The following ETFB variants were observed in gnomAD, a reference collection of about 807,000 sequenced individuals.
The protein encoded by ETFB is electron transfer flavoprotein subunit beta, also known as beta-ETF.
ETFB carries 20 observed loss-of-function variants against 25.6 expected under a neutral mutation model. The ratio of observed to expected loss-of-function variants is 0.78; its 90% CI spans 0.55 to 1.14. ETFB has a LOEUF of 1.14. Among genes scored for constraint, ETFB ranks in the 50% most tolerant of loss-of-function variants. The pLI is 0.00. For synonymous variants in ETFB, 142 were observed against 146.7 expected (o/e 0.97, Z 0.23); for missense variants, 286 against 342.6 (o/e 0.83, Z 1.30).
chr19:51,364,795 T>C (rs568208910), intron 1 of ETFB, among the ~76,000 whole-genome samples: 2 of 152,340 alleles, frequency 1.3e-5, no homozygotes, highest in African/African-American at 4.8e-5. Flanking sequence ...GAGCAGAGTC[T>C]AGAGCCAGAC....
chr19:51,359,704 A>G (rs1223135395), intron 1 of ETFB, among the ~76,000 whole-genome samples: 1 of 152,220 alleles, frequency 6.6e-6, no homozygotes, highest in East Asian at 1.9e-4. Flanking sequence ...TCAGGAAACA[A>G]TGGTAGGGCT....
At chr19:51,350,190 G>C in intron 4 of ETFB, 139 bp downstream of exon 4, 1 of 936,040 alleles carries the variant, frequency 1.1e-6, no homozygotes, top group African/African-American at 1.6e-5. Context: ...TCAAGGAGGG[G>C]AACAAGAAAG....
intron 1 of ETFB, among the ~76,000 whole-genome samples, chr19:51,362,211 A>G (rs1986251448): frequency 6.6e-6 from 1 of 150,498 alleles, no homozygotes; most frequent in African/African-American, 2.5e-5. Flanking sequence ...ACACGAATAC[A>G]CTCTGAGCAC....
chr19:51,361,435 C>T (rs558585269), intron 1 of ETFB, among the ~76,000 whole-genome samples: 150 of 152,198 alleles, frequency 9.9e-4, no homozygotes, highest in African/African-American at 3.5e-3. Context: ...ACAGAGAACT[C>T]GTCCCTGAGG....
intron 3 of ETFB, among the ~76,000 whole-genome samples, chr19:51,352,201 C>T (rs1012728892): frequency 3.3e-5 from 5 of 152,132 alleles, no homozygotes; most frequent in African/African-American, 4.8e-5. Context: ...TTTCCCATTC[C>T]AGTCCATTCT....
rs148443220 is a variant in ETFB at position 51,346,956 on chromosome 19, C to T, written c.541G>A (p.Val181Met). 3.8e-5 allele frequency: 61 copies of T among 1,597,526 alleles called. No homozygotes were observed. The African/African-American group carries it at 7.5e-4, about 20-fold the overall frequency. The change falls in exon 5 of 6, where the codon GTG (valine) becomes ATG (methionine). Residue 181 changes from valine (V) to methionine (M), a missense_variant. Coordinates refer to ENST00000309244, the MANE Select transcript of ETFB (RefSeq NM_001985.3). ...ETLRLKLPAV[V>M]TADLRLNEPR... ...TCGTTGAGCCTCAGGTCAGCTGTCA[C>T]CACAGCTGGCAGCTTCAGGCGCAGG...
rs759933741 is a variant in ETFB at position 51,366,343 on chromosome 19, C to T, written c.-17G>A. On this transcript the variant is annotated 5_prime_UTR_variant, in exon 1 of 6. In the 5' UTR this introduces an upstream ATG that the reference lacks. Coordinates refer to ENST00000309244, the MANE Select transcript of ETFB (RefSeq NM_001985.3). ...CTCCGCCATCTTCCCGCCGCAGCCA[C>T]TTACAGGGTCAGCCCGCACCCTCAG... is the stretch of plus-strand genomic sequence containing the variant. The T allele has an allele frequency of 2.0e-5, 33 of 1,612,068 alleles. No homozygotes were observed. The highest frequency in any genetic ancestry group is 2.7e-5 in the Non-Finnish European group (32 of 1,179,800).
In ETFB at chr19:51,354,203, TCTC is replaced by T. The variant is rs1986012894; in HGVS notation, c.160_162del (p.Glu54del). ...GCGATGACCTCCTTCACCAGCTTCT[TCTC>T]CTTGAGCCGCACAGCCTCCTCCACC... On this transcript the variant is annotated inframe_deletion, in exon 2 of 6. Transcript: ENST00000309244. The T allele has an allele frequency of 1.9e-6, 3 of 1,613,992 alleles. No individual in the cohort carries two copies. Among genetic ancestry groups the T allele is most frequent in the Non-Finnish European group, 2.5e-6 (3 of 1,180,016 alleles).
chr19:51,357,478 T>TTCTC lies in ETFB; in HGVS notation c.58-3171_58-3170insGAGA, dbSNP rs1340410866. ...ATTTCTTGGCCCACCACAATCCTTTTTTTCTTTCTTTCTTTTTTTTTTTTT... is the reference window on the plus strand; with the variant it reads ...ATTTCTTGGCCCACCACAATCCTTTTTCTCTTTCTTTCTTTCTTTTTTTTTTTTT... On this transcript the variant is annotated intron_variant, in intron 1 of 5. Coordinates refer to ENST00000309244, the MANE Select transcript of ETFB (RefSeq NM_001985.3). Among the ~76,000 whole-genome samples the TTCTC allele has an allele frequency of 7.0e-4, 74 of 105,418 alleles. 11 individuals carry two copies. The highest frequency in any genetic ancestry group is 9.8e-4 in the Non-Finnish European group (47 of 48,168). 69.2% of individuals were successfully genotyped at this position (105,418 alleles called of 152,430 possible). A position where few individuals can be genotyped will look rare whatever the true frequency, so the allele number is the denominator to read the frequency against.
At chr19:51,345,691 T>C (rs1408014769) in intron 5 of ETFB, 3 of 441,612 alleles carry the variant, frequency 6.8e-6, no homozygotes, top group South Asian at 4.1e-5. Flanking sequence ...CAGTGGACTT[T>C]TGGTTGAGAT....
At position 51,348,950 on chromosome 19, in the gene ETFB, C is replaced by T. The variant is rs138056533; in HGVS notation, c.438+1379G>A. 4.3e-3 allele frequency among the ~76,000 whole-genome samples: 653 copies of T among 152,166 alleles called. 2 individuals are homozygous for T. Among genetic ancestry groups the T allele is most frequent in the African/African-American group, 0.014 (599 of 41,526 alleles). ...CAAAAAACGTAAAATACAGATGGTCCCTGACTTATGATGGTTTGAATTAAG... is the reference window on the plus strand; with the variant it reads ...CAAAAAACGTAAAATACAGATGGTCTCTGACTTATGATGGTTTGAATTAAG... On this transcript the variant is annotated intron_variant, in intron 4 of 5. Coordinates refer to ENST00000309244, the MANE Select transcript of ETFB (RefSeq NM_001985.3).
chr19:51,352,124 T>C (rs1221759576), intron 3 of ETFB, among the ~76,000 whole-genome samples: 2 of 152,002 alleles, frequency 1.3e-5, no homozygotes, highest in Non-Finnish European at 2.9e-5. Flanking sequence ...AGCACCAGTG[T>C]GGCAGGGAAG....
chr19:51,354,380 C>G, intron 1 of ETFB, 72 bp from the exon 2 acceptor site: 1 of 1,614,186 alleles, frequency 6.2e-7, no homozygotes, highest in Non-Finnish European at 8.5e-7. Context: ...AGCGCCAACC[C>G]TCTCCCAGGC....
chr19:51,361,177 C>T (rs2123608617), intron 1 of ETFB, among the ~76,000 whole-genome samples: 1 of 152,146 alleles, frequency 6.6e-6, no homozygotes, highest in South Asian at 2.1e-4. Flanking sequence ...GTGATCCGCC[C>T]ACCTCGGCCT....
chr19:51,349,636 G>C (rs118185380), intron 4 of ETFB, among the ~76,000 whole-genome samples: 1,669 of 151,548 alleles, frequency 0.011, 28 homozygotes, highest in East Asian at 0.085. Context: ...GTAGAGATGG[G>C]GTCTAACTAT....
chr19:51,360,400 C>CAA (rs1245691469), intron 1 of ETFB, among the ~76,000 whole-genome samples: 61 of 113,232 alleles, frequency 5.4e-4, no homozygotes, highest in African/African-American at 1.6e-3. Flanking sequence ...GATTCTATCT[C>CAA]AAAAAAAAAA....
At position 51,366,375 on chromosome 19, in the gene ETFB, A is replaced by C. The variant is rs1234023758; in HGVS notation, c.-49T>G. The C allele has an allele frequency of 6.3e-7, 1 of 1,579,744 alleles. No homozygotes were observed. The highest frequency in any genetic ancestry group is 8.6e-7 in the Non-Finnish European group (1 of 1,158,952). On this transcript the variant is annotated 5_prime_UTR_variant, in exon 1 of 6. Coordinates refer to ENST00000309244, the MANE Select transcript of ETFB (RefSeq NM_001985.3). ...GGTCAGCCCGCACCCTCAGCGGCTCAGTCCAGAAGCCCCACCACCCCCGCC... is the reference window on the plus strand; with the variant it reads ...GGTCAGCCCGCACCCTCAGCGGCTCCGTCCAGAAGCCCCACCACCCCCGCC...
Position 51,347,067 on chromosome 19 carries a change from G to A in ETFB, c.439-9C>T. On this transcript the variant is annotated splice_polypyrimidine_tract_variant and intron_variant, in intron 4 of 5. Coordinates refer to ENST00000309244, the MANE Select transcript of ETFB (RefSeq NM_001985.3). Reference sequence around the variant, plus strand: ...TGGGAGGCGAATGTGCCCTGGGGAGGGACAGTGTAGGAGGAGAGTGGGTGA... The same window carrying A: ...TGGGAGGCGAATGTGCCCTGGGGAGAGACAGTGTAGGAGGAGAGTGGGTGA... The A allele has an allele frequency of 1.2e-6, 2 of 1,613,916 alleles. No individual in the cohort carries two copies. The highest frequency in any genetic ancestry group is 1.1e-5 in the South Asian group (1 of 91,056).
chr19:51,353,331 G>A (rs1043286377), intron 2 of ETFB, 41 bp from the exon 3 acceptor site: 1 of 1,611,898 alleles, frequency 6.2e-7, no homozygotes. Flanking sequence ...GCTATCCTCA[G>A]GGGGACCTAG....
Sources: gnomAD v4.1 joint callset for allele counts (sites outside exome capture counted in the v4.1 genomes callset) on GRCh38, gnomAD v4.1.1 for gene constraint, MANE v1.5 for transcripts, NCBI Gene and HGNC (gene_info 2026-07-23, HGNC 2026-07-21) for gene names.